Variants in SHANK2 observed in about 807,000 individuals in gnomAD.
SHANK2 encodes the protein SH3 and multiple ankyrin repeat domains protein 2.
Under a neutral mutation model 133.7 loss-of-function variants are expected in SHANK2, and 43 were observed. The ratio of observed to expected loss-of-function variants is 0.32; its 90% CI spans 0.25 to 0.41. SHANK2 has a LOEUF of 0.41. Among genes scored for constraint, SHANK2 ranks in the 10% least tolerant of loss-of-function variants. The pLI is 1.00. For synonymous variants in SHANK2, 1,017 were observed against 952.8 expected, an observed-to-expected ratio of 1.07 and a Z score of -1.24; for missense variants, 1,994 against 2,235.8, an observed-to-expected ratio of 0.89 and a Z score of 2.18.
chr11:70,503,528 C>T (rs1462258439), intron 17 of SHANK2, among the ~76,000 whole-genome samples: 1 of 152,236 alleles, frequency 6.6e-6, no homozygotes, highest in East Asian at 1.9e-4. Context: ...GAGTGGGGGC[C>T]CTGTCCCTGT....
chr11:71,205,513 A>G (rs868983378), intron 2 of SHANK2, among the ~76,000 whole-genome samples: 18 of 152,078 alleles, frequency 1.2e-4, no homozygotes, highest in African/African-American at 4.1e-4. Context: ...GTGCCAGGAG[A>G]CCCACGTGCC....
chr11:70,810,403 G>A (rs145271690), intron 12 of SHANK2, among the ~76,000 whole-genome samples: 237 of 152,348 alleles, frequency 1.6e-3, no homozygotes, highest in African/African-American at 4.3e-3. Flanking sequence ...GGCACTGAGC[G>A]TCTCACGGCT....
intron 17 of SHANK2, among the ~76,000 whole-genome samples, chr11:70,578,012 T>G (rs2060137780): frequency 6.6e-6 from 1 of 152,264 alleles, no homozygotes; most frequent in South Asian, 2.1e-4. Context: ...CTGTTCCATC[T>G]TGATCTCCCA....
intron 17 of SHANK2, among the ~76,000 whole-genome samples, chr11:70,585,312 T>C (rs891768426): frequency 3.3e-5 from 5 of 152,172 alleles, no homozygotes; most frequent in African/African-American, 1.2e-4. Context: ...GGCTGATTTT[T>C]GAAGCAGAGA....
chr11:70,924,629 G>C (rs1370429963), intron 10 of SHANK2, among the ~76,000 whole-genome samples: 1 of 152,126 alleles, frequency 6.6e-6, no homozygotes, highest in South Asian at 2.1e-4. Flanking sequence ...GCTAATTTTT[G>C]TATTTTTAGT....
intron 11 of SHANK2, among the ~76,000 whole-genome samples, chr11:70,843,837 C>G (rs1415816522): frequency 6.6e-6 from 1 of 152,176 alleles, no homozygotes; most frequent in Non-Finnish European, 1.5e-5. Context: ...CTCCAGCCCT[C>G]CCAATTTGGT....
intron 17 of SHANK2, among the ~76,000 whole-genome samples, chr11:70,603,072 AT>A (rs2060522486): frequency 6.6e-6 from 1 of 152,266 alleles, no homozygotes. Flanking sequence ...GTTTAGTGAT[AT>A]CAACACAGGT....
chr11:70,765,140 A>G (rs1173064297), intron 14 of SHANK2, among the ~76,000 whole-genome samples: 1 of 152,228 alleles, frequency 6.6e-6, no homozygotes, highest in African/African-American at 2.4e-5. Flanking sequence ...CCTTCCATCC[A>G]TTTCCTGTTT....
intron 1 of SHANK2, among the ~76,000 whole-genome samples, chr11:71,234,599 G>C (rs1954800947): frequency 6.6e-6 from 1 of 152,068 alleles, no homozygotes; most frequent in South Asian, 2.1e-4. Context: ...GACCCAGCCT[G>C]CCCGAGCCTC....
intron 2 of SHANK2, among the ~76,000 whole-genome samples, chr11:71,192,674 C>G (rs1953815959): frequency 6.6e-6 from 1 of 152,204 alleles, no homozygotes; most frequent in Non-Finnish European, 1.5e-5. Flanking sequence ...ATGACCTAAT[C>G]AATCCAATTT....
At chr11:70,517,823 T>C (rs1224874599) in intron 17 of SHANK2, among the ~76,000 whole-genome samples, 3 of 152,218 alleles carry the variant, frequency 2.0e-5, no homozygotes, top group Non-Finnish European at 4.4e-5. Flanking sequence ...CCACAGAATG[T>C]ACACCAAGAG....
intron 17 of SHANK2, among the ~76,000 whole-genome samples, chr11:70,570,998 G>A (rs1327148587): frequency 6.6e-6 from 1 of 152,176 alleles, no homozygotes; most frequent in Non-Finnish European, 1.5e-5. Context: ...GTGTTCATGG[G>A]TGTTAGCATT....
intron 15 of SHANK2, among the ~76,000 whole-genome samples, chr11:70,697,639 CA>C (rs1183001451): frequency 6.6e-6 from 1 of 152,174 alleles, no homozygotes; most frequent in African/African-American, 2.4e-5. Context: ...TCAATCAAAA[CA>C]GACAAACAAA....
At chr11:70,608,550 G>C (rs574842133) in intron 17 of SHANK2, among the ~76,000 whole-genome samples, 3 of 152,270 alleles carry the variant, frequency 2.0e-5, no homozygotes, top group South Asian at 4.1e-4. Flanking sequence ...TCATGTAAAG[G>C]CTCTGCAGGT....
At chr11:71,189,027 G>A (rs931503624) in intron 2 of SHANK2, among the ~76,000 whole-genome samples, 10 of 152,198 alleles carry the variant, frequency 6.6e-5, no homozygotes, top group Admixed American at 1.3e-4. Context: ...AACCACAGAC[G>A]GCCAGGGAAG....
chr11:71,098,062 A>G (rs1277026508), intron 6 of SHANK2, among the ~76,000 whole-genome samples: 1 of 133,788 alleles, frequency 7.5e-6, no homozygotes, highest in East Asian at 2.3e-4. Context: ...GCCTGTGTGT[A>G]CATGCCTGTG....
intron 3 of SHANK2, among the ~76,000 whole-genome samples, chr11:71,137,242 T>C (rs1317230591): frequency 7.7e-6 from 1 of 129,482 alleles, no homozygotes; most frequent in African/African-American, 3.0e-5. Context: ...AAAAGAAAGT[T>C]TTAGTCTTTT....
chr11:70,639,106 C>G (rs749463551), intron 17 of SHANK2, among the ~76,000 whole-genome samples: 3 of 152,194 alleles, frequency 2.0e-5, no homozygotes, highest in Non-Finnish European at 4.4e-5. Context: ...AAGGGCTTCC[C>G]CTGCTGGCTG....
intron 16 of SHANK2, among the ~76,000 whole-genome samples, chr11:70,660,891 G>A (rs1016995967): frequency 1.3e-5 from 2 of 152,242 alleles, no homozygotes; most frequent in African/African-American, 4.8e-5. Context: ...ACATGGCTGA[G>A]CCACACACAC....
Sources: gnomAD v4.1 joint callset for allele counts (sites outside exome capture counted in the v4.1 genomes callset) on GRCh38, gnomAD v4.1.1 for gene constraint, MANE v1.5 for transcripts, NCBI Gene and HGNC (gene_info 2026-07-23, HGNC 2026-07-21) for gene names.